ULK4: variants seen among roughly 807,000 people sequenced by gnomAD.
The protein encoded by ULK4 is inactive serine/threonine-protein kinase ULK4.
ULK4 carries 133 observed loss-of-function variants against 160.6 expected under a neutral mutation model. The observed-to-expected ratio is 0.83, with a 90% CI of 0.72 to 0.96. The LOEUF (loss-of-function observed/expected upper bound fraction) is 0.96. Among genes scored for constraint, ULK4 ranks in the 40% least tolerant of loss-of-function variants. ULK4 has a pLI of 0.00. For missense variants in ULK4, 1,580 were observed against 1,499.5 expected, an observed-to-expected ratio of 1.05 and a Z score of -0.89; for synonymous variants, 534 against 539.8, an observed-to-expected ratio of 0.99 and a Z score of 0.15.
intron 21 of ULK4, among the ~76,000 whole-genome samples, chr3:41,757,690 G>A (rs2038852428): frequency 6.7e-6 from 1 of 150,310 alleles, no homozygotes; most frequent in African/African-American, 2.5e-5. Flanking sequence ...CTGGAGTGCA[G>A]TGGTGCAATC....
At chr3:41,327,499 C>A (rs1421427562) in intron 35 of ULK4, among the ~76,000 whole-genome samples, 2 of 152,150 alleles carry the variant, frequency 1.3e-5, no homozygotes, top group African/African-American at 4.8e-5. Context: ...CCACACACGT[C>A]CAGGACCCAC....
intron 13 of ULK4, among the ~76,000 whole-genome samples, chr3:41,899,542 A>G (rs541293007): frequency 6.6e-6 from 1 of 152,374 alleles, no homozygotes; most frequent in Admixed American, 6.5e-5. Flanking sequence ...ATGCAGCCCA[A>G]GACGGCTTTG....
intron 35 of ULK4, among the ~76,000 whole-genome samples, chr3:41,366,837 G>A (rs774333054): frequency 6.6e-6 from 1 of 152,240 alleles, no homozygotes. Flanking sequence ...CAGACCTGTG[G>A]TGCTAATATA....
chr3:41,614,144 G>T (rs2032841187), intron 31 of ULK4, among the ~76,000 whole-genome samples: 1 of 152,194 alleles, frequency 6.6e-6, no homozygotes. Context: ...GATTGCCGAA[G>T]ATAAGGTAAG....
chr3:41,539,391 C>T (rs1345875844), intron 32 of ULK4, among the ~76,000 whole-genome samples: 1 of 152,138 alleles, frequency 6.6e-6, no homozygotes, highest in African/African-American at 2.4e-5. Flanking sequence ...CACCTACTTG[C>T]TCTCCCCAAC....
intron 34 of ULK4, among the ~76,000 whole-genome samples, chr3:41,422,704 T>C (rs1173291356): frequency 6.6e-6 from 1 of 152,180 alleles, no homozygotes; most frequent in Non-Finnish European, 1.5e-5. Flanking sequence ...CTGGTAAAGA[T>C]GTAGAAAAGC....
chr3:41,561,258 C>G (rs936406228), intron 32 of ULK4, among the ~76,000 whole-genome samples: 2 of 152,116 alleles, frequency 1.3e-5, no homozygotes, highest in South Asian at 4.1e-4. Flanking sequence ...CTACTGGATT[C>G]GGTCTGCCAG....
chr3:41,791,395 G>A (rs558583822), intron 20 of ULK4, among the ~76,000 whole-genome samples: 1 of 152,324 alleles, frequency 6.6e-6, no homozygotes, highest in Admixed American at 6.5e-5. Context: ...TTCCCAAAGT[G>A]CTGGGATTAC....
chr3:41,932,086 A>G (rs750476207), intron 4 of ULK4, 80 bp from the exon 5 acceptor site: 8 of 1,289,414 alleles, frequency 6.2e-6, no homozygotes, highest in Non-Finnish European at 7.3e-6. Flanking sequence ...TAATTGTACT[A>G]AAGAACTTTT....
At chr3:41,416,212 T>C (rs1456562337) in intron 34 of ULK4, among the ~76,000 whole-genome samples, 2 of 151,818 alleles carry the variant, frequency 1.3e-5, no homozygotes, top group Admixed American at 1.3e-4. Context: ...TGGGACAAAT[T>C]TGTCCCCACA....
chr3:41,258,867 T>C (rs1421967673), intron 35 of ULK4, among the ~76,000 whole-genome samples: 1 of 151,740 alleles, frequency 6.6e-6, no homozygotes, highest in Non-Finnish European at 1.5e-5. Flanking sequence ...ATGGGGTCTT[T>C]AAAGGAAAAA....
At chr3:41,431,547 C>CCTTT (rs563543377) in intron 34 of ULK4, among the ~76,000 whole-genome samples, 16 of 95,864 alleles carry the variant, frequency 1.7e-4, no homozygotes, top group Middle Eastern at 5.6e-3. Context: ...AATTCCCTCC[C>CCTTT]TTTTTTTTTT....
At chr3:41,616,564 C>T (rs1385702968) in intron 30 of ULK4, among the ~76,000 whole-genome samples, 1 of 152,140 alleles carries the variant, frequency 6.6e-6, no homozygotes. Flanking sequence ...TCCCCCAAGC[C>T]AAGGAAAGCT....
chr3:41,382,840 G>A (rs1018675822), intron 35 of ULK4, among the ~76,000 whole-genome samples: 1 of 151,872 alleles, frequency 6.6e-6, no homozygotes, highest in South Asian at 2.1e-4. Flanking sequence ...TTTATATATA[G>A]CCTATCTACT....
chr3:41,770,628 AC>A (rs1442837282), intron 21 of ULK4, among the ~76,000 whole-genome samples: 2 of 150,080 alleles, frequency 1.3e-5, no homozygotes, highest in Non-Finnish European at 2.9e-5. Flanking sequence ...CTCCTGCCTC[AC>A]CCTCCCAAGT....
chr3:41,323,437 C>CACA (rs1219325637), intron 35 of ULK4, among the ~76,000 whole-genome samples: 1 of 149,190 alleles, frequency 6.7e-6, no homozygotes, highest in African/African-American at 2.5e-5. Flanking sequence ...CACACACACA[C>CACA]ACCAAAAACC....
At position 41,938,298 on chromosome 3, in the gene ULK4, G is replaced by C. The variant is rs1313725716; in HGVS notation, c.139-101C>G. On this transcript the variant is annotated intron_variant, in intron 2 of 36. Coordinates refer to ENST00000301831, the MANE Select transcript of ULK4 (RefSeq NM_017886.4). ...ACAATTGGTAAATGGATAAGAAAAT[G>C]GTGACATTTATTTGGTGGAATTCTA... 3 of 833,260 alleles carry C rather than the reference G, an allele frequency of 3.6e-6. No homozygotes were observed. In the African/African-American group the frequency reaches 5.1e-5, roughly 14 times the overall value. 51.6% of individuals were successfully genotyped at this position (833,260 alleles called of 1,614,324 possible). A position where few individuals can be genotyped will look rare whatever the true frequency, so the allele number is the denominator to read the frequency against.
At chr3:41,840,165 A>G (rs907979545) in intron 17 of ULK4, among the ~76,000 whole-genome samples, 22 of 152,228 alleles carry the variant, frequency 1.4e-4, no homozygotes, top group African/African-American at 4.8e-4. Context: ...ACAGTGACTC[A>G]GTCCTGTAAT....
intron 30 of ULK4, among the ~76,000 whole-genome samples, chr3:41,663,220 CAA>C (rs1027169039): frequency 7.5e-6 from 1 of 133,108 alleles, no homozygotes. Context: ...GACTCCATCT[CAA>C]AAAAAAAAAG....
Sources: gnomAD v4.1 joint callset for allele counts (sites outside exome capture counted in the v4.1 genomes callset) on GRCh38, gnomAD v4.1.1 for gene constraint, MANE v1.5 for transcripts, NCBI Gene and HGNC (gene_info 2026-07-23, HGNC 2026-07-21) for gene names.